Variants in THSD7B observed in about 807,000 individuals in gnomAD.
THSD7B encodes the protein thrombospondin type-1 domain-containing protein 7B.
Under a neutral mutation model 213.6 loss-of-function variants are expected in THSD7B, and 138 were observed. That is an observed-to-expected ratio of 0.65 (90% CI 0.56 to 0.74). The LOEUF is 0.74. THSD7B is among the 30% of genes least tolerant of loss of function. THSD7B has a pLI of 0.00. For synonymous variants in THSD7B, 742 were observed against 687.0 expected, an observed-to-expected ratio of 1.08 and a Z score of -1.25; for missense variants, 1,931 against 1,991.5, an observed-to-expected ratio of 0.97 and a Z score of 0.58.
intron 15 of THSD7B, among the ~76,000 whole-genome samples, chr2:137,489,835 A>T (rs1415340204): frequency 1.3e-5 from 2 of 152,080 alleles, no homozygotes; most frequent in African/African-American, 2.4e-5. Flanking sequence ...AAAGAAAAAA[A>T]CCTCTCCCTC....
rs1558834487 is a variant in THSD7B at position 137,546,456 on chromosome 2, TATATATAATATATATATATATA to T, written c.3139-16757_3139-16736del. 8.8e-4 allele frequency among the ~76,000 whole-genome samples: 17 copies of T among 19,272 alleles called. 2 individuals are homozygous for T. Among genetic ancestry groups the T allele is most frequent in the African/African-American group, 6.0e-3 (14 of 2,328 alleles). The allele number at this position is 19,272 out of a possible 152,430, so 12.6% of individuals were successfully genotyped here. A position where few individuals can be genotyped will look rare whatever the true frequency, so the allele number is the denominator to read the frequency against. ...TATATTATATATATTATATATATAT[TATATATAATATATATATATATA>T]ATATATATATATATATATTAACATA... On this transcript the variant is annotated intron_variant, in intron 15 of 27. Transcript: ENST00000409968.
At chr2:136,784,249 A>G (rs533754279) in intron 1 of THSD7B, among the ~76,000 whole-genome samples, 2 of 152,352 alleles carry the variant, frequency 1.3e-5, no homozygotes, top group African/African-American at 4.8e-5. Context: ...AGGGCAAAAC[A>G]AAAGTAATCA....
intron 7 of THSD7B, among the ~76,000 whole-genome samples, chr2:137,230,538 CAG>C (rs1681613170): frequency 6.6e-6 from 1 of 152,084 alleles, no homozygotes; most frequent in African/African-American, 2.4e-5. Context: ...ATTTTAGTTT[CAG>C]ATAATTTACC....
At chr2:137,453,770 C>T (rs1687703680) in intron 15 of THSD7B, among the ~76,000 whole-genome samples, 1 of 152,124 alleles carries the variant, frequency 6.6e-6, no homozygotes, top group African/African-American at 2.4e-5. Flanking sequence ...TCCCCCTTCC[C>T]TCCACTTCCA....
chr2:136,869,532 A>G (rs1683396924), intron 1 of THSD7B, among the ~76,000 whole-genome samples: 1 of 152,236 alleles, frequency 6.6e-6, no homozygotes, highest in South Asian at 2.1e-4. Context: ...ATTGAAGCAC[A>G]GCAGTATTAA....
At chr2:136,918,740 C>G (rs1325600637) in intron 2 of THSD7B, among the ~76,000 whole-genome samples, 1 of 152,174 alleles carries the variant, frequency 6.6e-6, no homozygotes, top group Non-Finnish European at 1.5e-5. Flanking sequence ...AGCAATCTGG[C>G]CTTTTCAGTG....
At chr2:136,993,815 T>G (rs1053909725) in intron 2 of THSD7B, among the ~76,000 whole-genome samples, 1 of 151,008 alleles carries the variant, frequency 6.6e-6, no homozygotes, top group African/African-American at 2.4e-5. Flanking sequence ...TGGCCAAAGG[T>G]GGGGTCATGT....
chr2:137,626,476 A>G (rs528386516), intron 20 of THSD7B, among the ~76,000 whole-genome samples: 48 of 146,058 alleles, frequency 3.3e-4, no homozygotes, highest in East Asian at 7.9e-4. Flanking sequence ...AAAAAAAAAA[A>G]AAAAGAAAAA....
chr2:137,281,268 C>A (rs995465915), intron 12 of THSD7B, among the ~76,000 whole-genome samples: 1 of 151,852 alleles, frequency 6.6e-6, no homozygotes, highest in South Asian at 2.1e-4. Context: ...TTCAAGGAAC[C>A]CCTTTAAAGT....
rs543447440 is a variant in THSD7B, at chr2:137,659,579, G to A, written c.4376-85G>A. 79 of 1,227,422 alleles carry A rather than the reference G, an allele frequency of 6.4e-5. 1 individual carries two copies. In the African/African-American group the frequency reaches 8.9e-4, roughly 14 times the overall value. 76.0% of individuals were successfully genotyped at this position (1,227,422 alleles called of 1,614,324 possible). On this transcript the variant is annotated intron_variant, in intron 24 of 27. Transcript: ENST00000409968. Reference sequence around the variant, plus strand: ...ATAATAATACTGTTGCAAAGAGGCCGGTGGCACAGGTTAAAAAAAAATACC... The same window carrying A: ...ATAATAATACTGTTGCAAAGAGGCCAGTGGCACAGGTTAAAAAAAAATACC...
chr2:136,879,797 A>G (rs1035036622), intron 1 of THSD7B, among the ~76,000 whole-genome samples: 2 of 152,168 alleles, frequency 1.3e-5, no homozygotes, highest in African/African-American at 2.4e-5. Context: ...GGAAACAAAA[A>G]AAGTCAGGGG....
chr2:137,051,056 A>C (rs1687063416), intron 2 of THSD7B, among the ~76,000 whole-genome samples: 1 of 152,214 alleles, frequency 6.6e-6, no homozygotes, highest in Non-Finnish European at 1.5e-5. Flanking sequence ...TGTTTCCATC[A>C]GTGAGCCTGC....
chr2:137,001,891 T>G (rs1304246192), intron 2 of THSD7B, among the ~76,000 whole-genome samples: 2 of 152,134 alleles, frequency 1.3e-5, no homozygotes, highest in Non-Finnish European at 2.9e-5. Flanking sequence ...TGTTCAAAAC[T>G]TTTTCTTTTT....
Position 136,998,909 on chromosome 2 carries a change from G to GACACAAACACACAC in THSD7B, c.140-57506_140-57505insAACACACACACACA, listed in dbSNP as rs1295053031. On this transcript the variant is annotated intron_variant, in intron 2 of 27. Transcript: ENST00000409968. ...TTTCATGCTCCTTGAATACCCAACA[G>GACACAAACACACAC]ACACACACACACACACACACACACA... Among the ~76,000 whole-genome samples the GACACAAACACACAC allele has an allele frequency of 2.1e-3, 275 of 129,982 alleles. 3 individuals are homozygous for GACACAAACACACAC. Among genetic ancestry groups the GACACAAACACACAC allele is most frequent in the African/African-American group, 6.6e-3 (234 of 35,402 alleles). 85.3% of individuals were successfully genotyped at this position (129,982 alleles called of 152,430 possible). A position where few individuals can be genotyped will look rare whatever the true frequency, so the allele number is the denominator to read the frequency against.
intron 7 of THSD7B, among the ~76,000 whole-genome samples, chr2:137,197,152 G>A (rs931078425): frequency 2.0e-5 from 3 of 152,144 alleles, no homozygotes; most frequent in African/African-American, 7.2e-5. Context: ...TTTTCAGATT[G>A]AAAGGGATTT....
chr2:137,560,338 TA>T (rs888615604), intron 15 of THSD7B, among the ~76,000 whole-genome samples: 6 of 152,004 alleles, frequency 3.9e-5, no homozygotes, highest in South Asian at 2.1e-4. Flanking sequence ...TAGACTGGGT[TA>T]AAAAAAATGT....
chr2:137,220,104 G>A (rs574579211), intron 7 of THSD7B, among the ~76,000 whole-genome samples: 128 of 152,236 alleles, frequency 8.4e-4, no homozygotes, highest in African/African-American at 2.9e-3. Context: ...ATAGAGCAAT[G>A]TATTTTCTGT....
chr2:137,544,930 G>A (rs1482756739), intron 15 of THSD7B, among the ~76,000 whole-genome samples: 2 of 151,738 alleles, frequency 1.3e-5, no homozygotes, highest in Non-Finnish European at 2.9e-5. Context: ...TGGAATGACA[G>A]GTTGTTTTGC....
At chr2:137,367,948 A>G (rs1399458106) in intron 12 of THSD7B, among the ~76,000 whole-genome samples, 1 of 152,174 alleles carries the variant, frequency 6.6e-6, no homozygotes, top group Non-Finnish European at 1.5e-5. Flanking sequence ...GTTTAGGGAT[A>G]CAACTAATGG....
Sources: allele counts gnomAD v4.1 joint callset (sites outside exome capture counted in the v4.1 genomes callset), GRCh38; gene constraint gnomAD v4.1.1; transcripts MANE v1.5; gene names NCBI Gene and HGNC (gene_info 2026-07-23, HGNC 2026-07-21).